SLC4A10: variants seen among roughly 807,000 people sequenced by gnomAD.
SLC4A10 encodes solute carrier family 4 member 10.
A neutral mutation model predicts 137.7 loss-of-function variants in SLC4A10; 42 were observed. The ratio of observed to expected loss-of-function variants is 0.30; its 90% confidence interval spans 0.24 to 0.39. The LOEUF (loss-of-function observed/expected upper bound fraction) is 0.39. Among genes scored for constraint, SLC4A10 ranks in the 10% least tolerant of loss-of-function variants. SLC4A10 has a pLI of 1.00. For missense variants in SLC4A10, 925 were observed against 1,355.0 expected (o/e 0.68, Z 4.98); for synonymous variants, 474 against 464.1 (o/e 1.02, Z -0.27).
chr2:161,651,741 A>C (rs1162417597), intron 1 of SLC4A10, among the ~76,000 whole-genome samples: 3 of 152,230 alleles, frequency 2.0e-5, no homozygotes, highest in African/African-American at 7.2e-5. Context: ...CCACCACAGC[A>C]GCTGGCATGC....
At chr2:161,938,262 C>T (rs1372549317) in intron 15 of SLC4A10, among the ~76,000 whole-genome samples, 1 of 151,924 alleles carries the variant, frequency 6.6e-6, no homozygotes, top group East Asian at 1.9e-4. Flanking sequence ...CAGAGAGAAA[C>T]CCTGTCTCCA....
intron 1 of SLC4A10, among the ~76,000 whole-genome samples, chr2:161,714,701 G>A (rs534104377): frequency 1.3e-4 from 20 of 152,010 alleles, no homozygotes; most frequent in Non-Finnish European, 2.4e-4. Context: ...GCTCCAGAGC[G>A]GGACTCCTGT....
At chr2:161,782,523 CT>C (rs2053154679) in intron 2 of SLC4A10, among the ~76,000 whole-genome samples, 1 of 151,232 alleles carries the variant, frequency 6.6e-6, no homozygotes, top group African/African-American at 2.4e-5. Flanking sequence ...GAAATTGACT[CT>C]AATGAAACAA....
rs1036183760 is a variant in SLC4A10, at chr2:161,878,043, T to C, written c.949-1088T>C. On this transcript the variant is annotated intron_variant, in intron 8 of 26. Transcript: ENST00000446997. ...TTAATGTAGTCACTAAGTATTACTA[T>C]GGATTTTTTCATTTTAAATTTTTGA... 2.6e-5 allele frequency among the ~76,000 whole-genome samples: 4 copies of C among 152,260 alleles called. No individual in the cohort carries two copies. The East Asian group carries it at 7.7e-4, about 29-fold the overall frequency.
At chr2:161,932,043 A>G (rs1242595719) in intron 15 of SLC4A10, among the ~76,000 whole-genome samples, 2 of 152,184 alleles carry the variant, frequency 1.3e-5, no homozygotes. Context: ...TCATTAATAA[A>G]TATACTAGGT....
intron 2 of SLC4A10, among the ~76,000 whole-genome samples, chr2:161,796,858 T>C (rs1232700966): frequency 6.6e-6 from 1 of 152,194 alleles, no homozygotes; most frequent in African/African-American, 2.4e-5. Context: ...AGCTTCTTTC[T>C]ACATGTGCAC....
intron 19 of SLC4A10, among the ~76,000 whole-genome samples, chr2:161,956,621 G>A (rs951307303): frequency 1.3e-5 from 2 of 152,082 alleles, no homozygotes; most frequent in African/African-American, 4.8e-5. Flanking sequence ...TGCAACACCT[G>A]GAGATCAGTG....
chr2:161,862,777 AT>A (rs1231698274), intron 5 of SLC4A10, 96 bp from the exon 6 acceptor site: 8 of 884,058 alleles, frequency 9.0e-6, no homozygotes, highest in Non-Finnish European at 4.7e-6. Flanking sequence ...GATGAATAAT[AT>A]TGTTTAGGGC....
chr2:161,854,659 T>G (rs1360809580), intron 4 of SLC4A10, among the ~76,000 whole-genome samples: 1 of 152,202 alleles, frequency 6.6e-6, no homozygotes, highest in Non-Finnish European at 1.5e-5. Context: ...TCTTTATTAG[T>G]GCTACATAAG....
intron 10 of SLC4A10, among the ~76,000 whole-genome samples, chr2:161,890,435 T>C (rs980528961): frequency 2.6e-5 from 4 of 152,172 alleles, no homozygotes; most frequent in Admixed American, 1.3e-4. Flanking sequence ...AATCTCTTTG[T>C]AGTTCTCTAA....
rs758404024 is a variant in SLC4A10, at chr2:161,863,091, G to A, written c.766+29G>A. 1.3e-5 allele frequency: 21 copies of A among 1,599,216 alleles called. No homozygotes were observed. The South Asian group carries it at 2.1e-4, about 16-fold the overall frequency. On this transcript the variant is annotated intron_variant, in intron 6 of 26. Coordinates refer to ENST00000446997, the MANE Select transcript of SLC4A10 (RefSeq NM_001178015.2). Reference sequence around the variant, plus strand: ...AATGTTTATTTATTGTGCTCTTTATGTCTACTATAGGTCTCTGACATATCA... The same window carrying A: ...AATGTTTATTTATTGTGCTCTTTATATCTACTATAGGTCTCTGACATATCA...
chr2:161,935,859 AT>A (rs1234907124), intron 15 of SLC4A10, among the ~76,000 whole-genome samples: 7 of 152,104 alleles, frequency 4.6e-5, no homozygotes, highest in African/African-American at 1.4e-4. Flanking sequence ...TTCTTGTCTT[AT>A]TCCTGATCTT....
chr2:161,835,612 G>A (rs940723561), intron 3 of SLC4A10, among the ~76,000 whole-genome samples: 6 of 152,142 alleles, frequency 3.9e-5, no homozygotes, highest in Non-Finnish European at 7.3e-5. Flanking sequence ...AAAAATTGGT[G>A]AGAAATTTGC....
Position 161,873,913 on chromosome 2 carries a change from C to T in SLC4A10, c.859-3C>T. 6.3e-7 allele frequency: 1 copy of T among 1,591,758 alleles called. No individual in the cohort carries two copies. Among genetic ancestry groups the T allele is most frequent in the Non-Finnish European group, 8.5e-7 (1 of 1,176,774 alleles). ...AGCTTAAGTCTGTTAATTATGCGTG[C>T]AGGGACTGGGAGGCCAACAAAAGGG... is the stretch of plus-strand genomic sequence containing the variant. On this transcript the variant is annotated splice_polypyrimidine_tract_variant and splice_region_variant and intron_variant, in intron 7 of 26. Transcript: ENST00000446997.
chr2:161,825,006 T>C, intron 3 of SLC4A10, among the ~76,000 whole-genome samples: 1 of 152,204 alleles, frequency 6.6e-6, no homozygotes, highest in East Asian at 1.9e-4. Context: ...CCATTTTCAC[T>C]TAATGAGTAG....
intron 1 of SLC4A10, among the ~76,000 whole-genome samples, chr2:161,706,220 G>A (rs2043645424): frequency 6.6e-6 from 1 of 151,092 alleles, no homozygotes; most frequent in South Asian, 2.1e-4. Flanking sequence ...AGGAAATTGG[G>A]GATTATATAT....
intron 16 of SLC4A10, among the ~76,000 whole-genome samples, chr2:161,944,594 TTC>T (rs1693376821): frequency 6.6e-6 from 1 of 151,320 alleles, no homozygotes; most frequent in East Asian, 1.9e-4. Flanking sequence ...GTTGGTTTTT[TTC>T]TCTTTTTTTT....
At chr2:161,980,254 C>A (rs1700028886) in intron 26 of SLC4A10, among the ~76,000 whole-genome samples, 1 of 151,920 alleles carries the variant, frequency 6.6e-6, no homozygotes, top group Non-Finnish European at 1.5e-5. Flanking sequence ...CCAACACCCA[C>A]CCCTGCACTC....
chr2:161,747,345 G>T (rs1041518523), intron 1 of SLC4A10, among the ~76,000 whole-genome samples: 1 of 152,116 alleles, frequency 6.6e-6, no homozygotes, highest in Non-Finnish European at 1.5e-5. Context: ...GGGCAGCACT[G>T]TGTTCCAATG....
Sources: gnomAD v4.1 joint callset for allele counts (sites outside exome capture counted in the v4.1 genomes callset) on GRCh38, gnomAD v4.1.1 for gene constraint, MANE v1.5 for transcripts, NCBI Gene and HGNC (gene_info 2026-07-23, HGNC 2026-07-21) for gene names.